Variants in LIN52 observed in about 807,000 individuals in gnomAD.
The protein encoded by LIN52 is protein lin-52 homolog.
LIN52 carries 4 observed loss-of-function variants against 18.5 expected under a neutral mutation model. The observed-to-expected ratio is 0.22, with a 90% CI of 0.11 to 0.49. LIN52 has a LOEUF of 0.49. Ranked by LOEUF, LIN52 falls within the 20% of genes least tolerant of loss-of-function variation. LIN52 has a pLI of 0.97. For synonymous variants in LIN52, 34 were observed against 45.5 expected (o/e 0.75, Z 1.02); for missense variants, 102 against 139.5 (o/e 0.73, Z 1.35).
chr14:74,193,262 GAA>G (rs2078891106), intron 5 of LIN52, among the ~76,000 whole-genome samples: 3 of 133,066 alleles, frequency 2.3e-5, no homozygotes, highest in African/African-American at 8.5e-5. Context: ...AAAAAAAAAA[GAA>G]AAAAATTAGC....
chr14:74,085,879 G>A (rs1344769066), intron 1 of LIN52, among the ~76,000 whole-genome samples: 2 of 152,054 alleles, frequency 1.3e-5, no homozygotes, highest in East Asian at 3.8e-4. Context: ...TTTTATATTT[G>A]GAAGGAATCT....
chr14:74,146,943 C>T (rs1374767488), intron 5 of LIN52, among the ~76,000 whole-genome samples: 1 of 152,050 alleles, frequency 6.6e-6, no homozygotes, highest in Non-Finnish European at 1.5e-5. Flanking sequence ...TAGTCTCTTT[C>T]AACAACTGGT....
intron 5 of LIN52, among the ~76,000 whole-genome samples, chr14:74,136,416 T>G (rs935492093): frequency 6.6e-6 from 1 of 152,166 alleles, no homozygotes; most frequent in African/African-American, 2.4e-5. Context: ...TTGAAAAGCT[T>G]GTTATTACTA....
At chr14:74,186,421 G>T (rs1829093745) in intron 5 of LIN52, among the ~76,000 whole-genome samples, 1 of 151,964 alleles carries the variant, frequency 6.6e-6, no homozygotes, top group Non-Finnish European at 1.5e-5. Flanking sequence ...CTAATTGCTG[G>T]GGATACAGCA....
In LIN52 at chr14:74,185,309, C is replaced by CTTTTTTT. The variant is rs71115969; in HGVS notation, c.284-13596_284-13590dup. ...AATATATTTGATTTTATAATGATTT[C>CTTTTTTT]TTTTTTTTTTTTTTTTTTTTTTTGA... On this transcript the variant is annotated intron_variant, in intron 5 of 5. Transcript: ENST00000555028. Among the ~76,000 whole-genome samples the CTTTTTTT allele has an allele frequency of 3.4e-3, 264 of 78,780 alleles. 9 individuals carry two copies. The highest frequency in any genetic ancestry group is 5.2e-3 in the African/African-American group (98 of 18,868). 51.7% of individuals were successfully genotyped at this position (78,780 alleles called of 152,430 possible). A position where few individuals can be genotyped will look rare whatever the true frequency, so the allele number is the denominator to read the frequency against.
chr14:74,141,284 A>G (rs970526202), intron 5 of LIN52, among the ~76,000 whole-genome samples: 1 of 152,236 alleles, frequency 6.6e-6, no homozygotes, highest in African/African-American at 2.4e-5. Flanking sequence ...AGTAAAGTTT[A>G]TATACATTAC....
At chr14:74,195,949 C>T (rs2078909764) in intron 5 of LIN52, among the ~76,000 whole-genome samples, 1 of 152,186 alleles carries the variant, frequency 6.6e-6, no homozygotes, top group Non-Finnish European at 1.5e-5. Flanking sequence ...CCCTGACCCA[C>T]AGCAATTTCT....
chr14:74,136,275 A>G (rs1366644706), intron 5 of LIN52, among the ~76,000 whole-genome samples: 2 of 152,214 alleles, frequency 1.3e-5, no homozygotes, highest in East Asian at 1.9e-4. Context: ...TTAATTTTAT[A>G]CAATCTGATT....
chr14:74,154,742 C>T (rs761973305), intron 5 of LIN52, among the ~76,000 whole-genome samples: 3 of 152,182 alleles, frequency 2.0e-5, no homozygotes, highest in Non-Finnish European at 2.9e-5. Context: ...TTTGTCCCTG[C>T]AGCCTAGAAG....
At chr14:74,091,062 G>A (rs2060769542) in intron 1 of LIN52, among the ~76,000 whole-genome samples, 170 bp from the exon 2 acceptor site, 1 of 152,218 alleles carries the variant, frequency 6.6e-6, no homozygotes, top group Non-Finnish European at 1.5e-5. Context: ...GGTTTGGTAA[G>A]GGAGAATGAT....
intron 5 of LIN52, chr14:74,174,340 C>T (rs2061283187): frequency 6.6e-6 from 1 of 152,162 alleles, no homozygotes; most frequent in African/African-American, 2.4e-5. Flanking sequence ...GCCTATTACT[C>T]ATAGGCCACA....
At chr14:74,186,106 T>C (rs941127934) in intron 5 of LIN52, among the ~76,000 whole-genome samples, 4 of 152,040 alleles carry the variant, frequency 2.6e-5, no homozygotes, top group African/African-American at 9.7e-5. Context: ...CTGGCCAACA[T>C]GATGAAACCC....
At chr14:74,125,251 T>G (rs1192414159) in intron 5 of LIN52, among the ~76,000 whole-genome samples, 1 of 152,212 alleles carries the variant, frequency 6.6e-6, no homozygotes, top group Non-Finnish European at 1.5e-5. Context: ...AGTGTTCCTA[T>G]TTCTCCACAT....
intron 5 of LIN52, among the ~76,000 whole-genome samples, chr14:74,137,170 A>ATT (rs1160833358): frequency 9.4e-6 from 1 of 106,676 alleles, no homozygotes; most frequent in East Asian, 2.2e-4. Context: ...ATATATATAT[A>ATT]TATTTTTTTA....
chr14:74,127,206 A>G (rs2061034089), intron 5 of LIN52, among the ~76,000 whole-genome samples: 2 of 152,246 alleles, frequency 1.3e-5, no homozygotes, highest in South Asian at 4.1e-4. Context: ...CTAACATTCT[A>G]GTAGATAAGG....
intron 2 of LIN52, 82 bp from the exon 3 acceptor site, chr14:74,095,866 A>T: frequency 7.2e-6 from 6 of 834,346 alleles, no homozygotes; most frequent in African/African-American, 1.7e-5. Flanking sequence ...AAAACAGACA[A>T]AGCTGTTTTC....
intron 5 of LIN52, among the ~76,000 whole-genome samples, chr14:74,160,257 G>C (rs1231325881): frequency 2.0e-5 from 3 of 152,188 alleles, no homozygotes; most frequent in Non-Finnish European, 4.4e-5. Context: ...AAGCCAAAGA[G>C]AGAGGCCTGG....
intron 5 of LIN52, among the ~76,000 whole-genome samples, chr14:74,158,176 G>A (rs918924614): frequency 2.0e-5 from 3 of 150,402 alleles, no homozygotes; most frequent in South Asian, 2.1e-4. Flanking sequence ...GCACAGTAGC[G>A]TGATCTCGGC....
intron 5 of LIN52, among the ~76,000 whole-genome samples, chr14:74,119,789 G>A (rs1380208013): frequency 6.7e-6 from 1 of 149,476 alleles, no homozygotes; most frequent in Admixed American, 6.6e-5. Flanking sequence ...CCTTATTAGT[G>A]TCTCTTGCCC....
Sources: gnomAD v4.1 joint callset for allele counts (sites outside exome capture counted in the v4.1 genomes callset) on GRCh38, gnomAD v4.1.1 for gene constraint, MANE v1.5 for transcripts, NCBI Gene and HGNC (gene_info 2026-07-23, HGNC 2026-07-21) for gene names.